Variants in LYST observed in about 807,000 individuals in gnomAD.
LYST encodes lysosomal-trafficking regulator.
A neutral mutation model predicts 413.6 loss-of-function variants in LYST; 192 were observed. The ratio of observed to expected loss-of-function variants is 0.46; its 90% CI spans 0.41 to 0.52. The LOEUF (loss-of-function observed/expected upper bound fraction) is 0.52. LYST is among the 20% of genes least tolerant of loss of function. The probability of loss-of-function intolerance (pLI) is 0.00; values close to 1 mark genes in which losing one functional copy is unlikely to be tolerated. For missense variants in LYST, 3,815 were observed against 4,499.9 expected, an observed-to-expected ratio of 0.85 and a Z score of 4.35; for synonymous variants, 1,525 against 1,567.3, an observed-to-expected ratio of 0.97 and a Z score of 0.64.
chr1:235,834,676 G>A (rs1676369981), intron 1 of LYST, among the ~76,000 whole-genome samples: 1 of 152,182 alleles, frequency 6.6e-6, no homozygotes, highest in Admixed American at 6.5e-5. Flanking sequence ...AGCTGTGTTA[G>A]ACAATGCAGG....
At position 235,881,633 on chromosome 1, in the gene LYST, A is replaced by G. The variant is rs150268472; in HGVS notation, n.454+1554T>C. Among the ~76,000 whole-genome samples the G allele has an allele frequency of 1.4e-4, 22 of 152,364 alleles. No individual in the cohort carries two copies. In the East Asian group the frequency reaches 4.2e-3, roughly 29 times the overall value. ...ATTATATATATCACTGTGTGTGTGT[A>G]TATATATTTACATACACGTACATAC... On this transcript the variant is annotated intron_variant and non_coding_transcript_variant, in intron 1 of 11. Transcript: ENST00000465349.
intron 20 of LYST, among the ~76,000 whole-genome samples, chr1:235,768,153 G>A (rs1668323445): frequency 6.6e-6 from 1 of 152,056 alleles, no homozygotes; most frequent in African/African-American, 2.4e-5. Flanking sequence ...ATATCCTGCT[G>A]TAATTTCAAA....
chr1:235,809,059 C>T lies in LYST; in HGVS notation c.1759G>A (p.Asp587Asn), dbSNP rs777256752. 6.2e-6 allele frequency: 10 copies of T among 1,613,920 alleles called. No homozygotes were observed. Among genetic ancestry groups the T allele is most frequent in the Non-Finnish European group, 7.6e-6 (9 of 1,179,976 alleles). ...VHNIGICCCM[D>N]PKSVIIPLLH... ...AAAGGAATGATTACAGATTTGGGAT[C>T]CATACAACAGCATATTCCAATGTTA... Residue 587 changes from aspartate to asparagine, a missense_variant, in exon 5 of 53, where the codon GAT (aspartate) becomes AAT (asparagine). By Grantham distance (23) the Asp-to-Asn change is conservative (BLOSUM62 1). Transcript: ENST00000389793. This position sits in a 1 kb window ranked among gnomAD's most constrained non-coding sequence, Gnocchi z 4.0.
intron 1 of LYST, among the ~76,000 whole-genome samples, chr1:235,872,334 G>A (rs1680965591): frequency 6.6e-6 from 1 of 150,804 alleles, no homozygotes. Flanking sequence ...TATGTAACAT[G>A]GAAGACTTCA....
intron 1 of LYST, among the ~76,000 whole-genome samples, chr1:235,858,259 A>T (rs866175276): frequency 6.6e-6 from 1 of 152,234 alleles, no homozygotes; most frequent in Non-Finnish European, 1.5e-5. Flanking sequence ...AAAGTTACTC[A>T]ATCTCACTGA....
chr1:235,699,765 G>T (rs183497950), intron 45 of LYST, among the ~76,000 whole-genome samples: 1 of 152,026 alleles, frequency 6.6e-6, no homozygotes, highest in African/African-American at 2.4e-5. Flanking sequence ...TTTAATAATC[G>T]CCATTCTGAT....
At position 235,759,171 on chromosome 1, in the gene LYST, C is replaced by G. The variant is rs150270086; in HGVS notation, c.6682G>C (p.Asp2228His). 7.7e-5 allele frequency: 124 copies of G among 1,614,166 alleles called. No homozygotes were observed. The African/African-American group carries it at 1.3e-3, about 17-fold the overall frequency. Reference sequence around the variant, plus strand: ...AAGGAGGCCAATCCCTTTAGGTAATCAGGTCGGCGTGGGCAGGACTCATCC... The same window carrying G: ...AAGGAGGCCAATCCCTTTAGGTAATGAGGTCGGCGTGGGCAGGACTCATCC... ...PGDESCPRRPDYLKGLASFQR... is the reference protein window; with the variant it reads ...PGDESCPRRPHYLKGLASFQR... The change falls in exon 23 of 53, where the codon GAT (aspartate) becomes CAT (histidine). Residue 2228 changes from aspartate (D) to histidine (H), a missense_variant. This residue lies in a region of LYST where 771 missense variants were observed against 837.1 expected (regional missense o/e 0.92). Coordinates refer to ENST00000389793, the MANE Select transcript of LYST (RefSeq NM_000081.4).
chr1:235,756,618 G>T (rs1389289334), intron 24 of LYST, among the ~76,000 whole-genome samples: 1 of 151,996 alleles, frequency 6.6e-6, no homozygotes, highest in African/African-American at 2.4e-5. Flanking sequence ...TTAATATTGG[G>T]TTGTTTTCTA....
At chr1:235,671,609 G>A (rs914718959) in intron 50 of LYST, among the ~76,000 whole-genome samples, 4 of 152,084 alleles carry the variant, frequency 2.6e-5, no homozygotes, top group African/African-American at 7.2e-5. Context: ...AAATATTTAG[G>A]GAAAAAGCAT....
At position 235,762,772 on chromosome 1, in the gene LYST, G is replaced by A. The variant is rs752010313; in HGVS notation, c.6201C>T (p.Ser2067=). Residue 2067 remains serine, a synonymous_variant, in exon 22 of 53, where the codon AGC becomes AGT. Transcript: ENST00000389793. The part of the protein sequence containing the change: ...HSSSGGRSLM[S]PGFMVISPSG... The stretch of plus-strand genomic sequence containing the variant: ...ATGGGCTTATTACCATAAATCCAGG[G>A]CTCATAAGGGACCTTCCTCCACTGC... 18 of 1,612,766 alleles carry A rather than the reference G, an allele frequency of 1.1e-5. No individual in the cohort carries two copies. In the Admixed American group the frequency reaches 2.5e-4, roughly 22 times the overall value.
chr1:235,794,450 G>A (rs896098725), intron 10 of LYST, among the ~76,000 whole-genome samples: 2 of 152,032 alleles, frequency 1.3e-5, no homozygotes, highest in African/African-American at 4.8e-5. Context: ...ATTCTTTGGA[G>A]CAAAATAATA....
At chr1:235,681,588 G>T (rs1237605370) in intron 48 of LYST, among the ~76,000 whole-genome samples, 3 of 152,140 alleles carry the variant, frequency 2.0e-5, no homozygotes, top group Non-Finnish European at 2.9e-5. Flanking sequence ...ACCCAGGCAG[G>T]ATGCAAAGGA....
chr1:235,710,870 T>C (rs1413266390), intron 43 of LYST, among the ~76,000 whole-genome samples: 20 of 152,172 alleles, frequency 1.3e-4, no homozygotes, highest in Non-Finnish European at 2.9e-5. Context: ...TGCCGTGCTG[T>C]GGGGAAGCCC....
intron 52 of LYST, among the ~76,000 whole-genome samples, chr1:235,663,704 T>C (rs78363909): frequency 6.6e-6 from 1 of 152,116 alleles, no homozygotes; most frequent in African/African-American, 2.4e-5. Context: ...TTGTCAAATA[T>C]GAAAGGAAAA....
At position 235,810,012 on chromosome 1, in the gene LYST, C is replaced by A; in HGVS notation, c.806G>T (p.Cys269Phe). The A allele has an allele frequency of 6.2e-7, 1 of 1,613,964 alleles. No homozygotes were observed. Residue 269 changes from cysteine to phenylalanine, a missense_variant, in exon 5 of 53, where the codon TGT becomes TTT. Cys to Phe is a radical substitution (Grantham distance 205). Transcript: ENST00000389793. ...ATGATTCAAGGTAACGTCAAACTTACAAACTTTTTCTAATAAAGATAACAA... is the reference window on the plus strand; with the variant it reads ...ATGATTCAAGGTAACGTCAAACTTAAAAACTTTTTCTAATAAAGATAACAA... ...HVLLSLLEKVCKFDVTLNHNS... is the reference protein window; with the variant it reads ...HVLLSLLEKVFKFDVTLNHNS...
intron 1 of LYST, among the ~76,000 whole-genome samples, chr1:235,856,180 A>G (rs1420824518): frequency 2.6e-5 from 4 of 152,206 alleles, no homozygotes; most frequent in Non-Finnish European, 2.9e-5. Flanking sequence ...AGACTTGTAT[A>G]AAGAAAAAGG....
intron 47 of LYST, among the ~76,000 whole-genome samples, chr1:235,691,697 C>CTTTTTT (rs774558822): frequency 0.01 from 1,431 of 137,988 alleles, 122 homozygotes; most frequent in African/African-American, 0.023. Context: ...ATCAGATTCT[C>CTTTTTT]TCTTTTTTTT....
At chr1:235,758,284 A>C (rs112897593) in intron 23 of LYST, among the ~76,000 whole-genome samples, 1 of 152,200 alleles carries the variant, frequency 6.6e-6, no homozygotes, top group Non-Finnish European at 1.5e-5. Flanking sequence ...GTTTCTGGAG[A>C]GAGAACAAAC....
intron 28 of LYST, among the ~76,000 whole-genome samples, chr1:235,750,000 T>C (rs1034170096): frequency 6.6e-6 from 1 of 152,080 alleles, no homozygotes; most frequent in Non-Finnish European, 1.5e-5. Context: ...GAATGAGAAG[T>C]ATCAATACAA....
Sources: allele counts gnomAD v4.1 joint callset (sites outside exome capture counted in the v4.1 genomes callset), GRCh38; gene constraint gnomAD v4.1.1; regional missense constraint gnomAD v4.1.1; non-coding constraint Gnocchi (gnomAD v3.1); transcripts MANE v1.5; gene names NCBI Gene and HGNC (gene_info 2026-07-23, HGNC 2026-07-21).